The following TNS1 variants were observed in gnomAD, a reference collection of about 807,000 sequenced individuals.
TNS1 encodes tensin 1.
Under a neutral mutation model 168.6 loss-of-function variants are expected in TNS1, and 62 were observed. The observed-to-expected ratio is 0.37, with a 90% CI of 0.30 to 0.45. The LOEUF (loss-of-function observed/expected upper bound fraction) is 0.45. Among genes scored for constraint, TNS1 ranks in the 20% least tolerant of loss-of-function variants. The probability of loss-of-function intolerance (pLI) is 1.00; values close to 1 mark genes in which losing one functional copy is unlikely to be tolerated. For missense variants in TNS1, 2,240 were observed against 2,339.4 expected, an observed-to-expected ratio of 0.96 and a Z score of 0.88; for synonymous variants, 934 against 933.2, an observed-to-expected ratio of 1.00 and a Z score of -0.02.
rs561001404 is a variant in TNS1, at chr2:218,031,244, CTG to C, written c.156+2574_156+2575del. 4.0e-3 allele frequency among the ~76,000 whole-genome samples: 498 copies of C among 124,256 alleles called. 4 individuals carry two copies. Among genetic ancestry groups the C allele is most frequent in the Admixed American group, 7.0e-3 (86 of 12,288 alleles). 81.5% of individuals were successfully genotyped at this position (124,256 alleles called of 152,430 possible). Reference sequence around the variant, plus strand: ...TATGAGTGTGAGTGTGTGAGCATGTCTGTGTGTGAGTGTATGAGTGTGTTGTG... The same window carrying C: ...TATGAGTGTGAGTGTGTGAGCATGTCTGTGTGAGTGTATGAGTGTGTTGTG... On this transcript the variant is annotated intron_variant, in intron 1 of 1. Coordinates refer to the TNS1 transcript ENST00000649572.
At chr2:218,017,096 C>A (rs1025077640) in intron 1 of TNS1, among the ~76,000 whole-genome samples, 1 of 152,208 alleles carries the variant, frequency 6.6e-6, no homozygotes, top group Non-Finnish European at 1.5e-5. Flanking sequence ...GCTCAGACCA[C>A]GGAAGGGACA....
At chr2:217,955,247 A>C (rs2125987258) in intron 3 of TNS1, among the ~76,000 whole-genome samples, 1 of 152,340 alleles carries the variant, frequency 6.6e-6, no homozygotes, top group Non-Finnish European at 1.5e-5. Context: ...GGAACTGCAG[A>C]AGGTGGCACC....
At position 217,891,027 on chromosome 2, in the gene TNS1, G is replaced by T; in HGVS notation, c.801C>A (p.Asp267Glu). The T allele has an allele frequency of 1.2e-6, 2 of 1,614,174 alleles. No individual in the cohort carries two copies. The highest frequency in any genetic ancestry group is 1.7e-6 in the Non-Finnish European group (2 of 1,180,034). ...CATAGAACCGCTTCATTGCAAACCG[G>T]TCCAGAGCCTGGTCCGCACTGCAGG... ...NISASADQAL[D>E]RFAMKRFYED... The change falls in exon 12 of 33, where the codon GAC becomes GAA. Residue 267 changes from aspartate to glutamate, a missense_variant. Around this residue, in one of 2 missense-constraint regions of TNS1, gnomAD observed 2,131 missense variants for 2,171.2 expected, o/e 0.98. Coordinates refer to ENST00000682258, the MANE Select transcript of TNS1 (RefSeq NM_001387777.1).
chr2:217,850,305 A>C, intron 18 of TNS1: 1 of 985,326 alleles, frequency 1.0e-6, no homozygotes, highest in Non-Finnish European at 1.2e-6. Flanking sequence ...GGGGGCATAT[A>C]GGGTGCTGAT....
At position 217,948,281 on chromosome 2, in the gene TNS1, G is replaced by A. The variant is rs1289078043; in HGVS notation, c.187-28045C>T. 6.6e-6 allele frequency among the ~76,000 whole-genome samples: 1 copy of A among 152,156 alleles called. No homozygotes were observed. Among genetic ancestry groups the A allele is most frequent in the Non-Finnish European group, 1.5e-5 (1 of 68,008 alleles). ...GTTAGTCTCTGGGGCAATTACTGGA[G>A]CCGCCTCCTCTAGCACCCTGGGCCC... On this transcript the variant is annotated intron_variant, in intron 3 of 32. Coordinates refer to ENST00000682258, the MANE Select transcript of TNS1 (RefSeq NM_001387777.1). This position sits in a 1 kb window ranked among gnomAD's most constrained non-coding sequence, Gnocchi z 4.1.
chr2:217,978,378 A>T (rs2126047028), intron 3 of TNS1, among the ~76,000 whole-genome samples: 1 of 152,210 alleles, frequency 6.6e-6, no homozygotes, highest in East Asian at 1.9e-4. Context: ...AAATTGAGCC[A>T]ACTGGGGTTG....
intron 7 of TNS1, among the ~76,000 whole-genome samples, chr2:217,898,963 C>T (rs544579024): frequency 1.2e-4 from 19 of 152,386 alleles, no homozygotes; most frequent in African/African-American, 4.6e-4. Flanking sequence ...TCGCTTCCCC[C>T]TCTATCAAAT....
chr2:217,865,447 G>A (rs1011182448), intron 18 of TNS1, among the ~76,000 whole-genome samples: 1 of 152,218 alleles, frequency 6.6e-6, no homozygotes, highest in South Asian at 2.1e-4. Flanking sequence ...CAGACAGAGA[G>A]AGGAAGGCAG....
rs1357298084 is a variant in TNS1, at chr2:218,023,254, A to G, written c.156+10566T>C. On this transcript the variant is annotated intron_variant, in intron 1 of 1. Coordinates refer to the TNS1 transcript ENST00000649572. ...AGAGACCAAGTGCAGAGGGCTGGGA[A>G]CCCCGAGACCAGGCTGTCATCCAAC... Among the ~76,000 whole-genome samples the G allele has an allele frequency of 3.9e-5, 6 of 152,170 alleles. No individual in the cohort carries two copies. The East Asian group carries it at 9.6e-4, about 24-fold the overall frequency.
intron 6 of TNS1, chr2:217,905,488 A>G: frequency 2.9e-6 from 1 of 342,584 alleles, no homozygotes. Context: ...CTGCTCCCGC[A>G]GCACTCCCTC....
chr2:217,826,041 C>A (rs1005006575), intron 22 of TNS1, among the ~76,000 whole-genome samples: 1 of 152,178 alleles, frequency 6.6e-6, no homozygotes, highest in Non-Finnish European at 1.5e-5. Flanking sequence ...CCCAGCCCCA[C>A]CTGGCCCTGC....
At chr2:217,997,202 A>G (rs1039096886) in intron 1 of TNS1, among the ~76,000 whole-genome samples, 2 of 152,212 alleles carry the variant, frequency 1.3e-5, no homozygotes, top group African/African-American at 4.8e-5. Flanking sequence ...TGAAAAGTGC[A>G]AAAGCTTCGG....
intron 32 of TNS1, among the ~76,000 whole-genome samples, chr2:217,805,499 A>G (rs1938484779): frequency 8.6e-6 from 1 of 116,330 alleles, no homozygotes; most frequent in Non-Finnish European, 1.8e-5. Flanking sequence ...CACACACCAC[A>G]CACACCACCA....
chr2:217,808,017 C>T (rs1939515923), intron 32 of TNS1, 58 bp downstream of exon 32: 4 of 1,603,094 alleles, frequency 2.5e-6, no homozygotes, highest in African/African-American at 2.7e-5. Context: ...CCCCGTGCTT[C>T]CCTCACTGTG....
At chr2:217,915,912 C>T (rs942628861) in intron 4 of TNS1, among the ~76,000 whole-genome samples, 5 of 152,178 alleles carry the variant, frequency 3.3e-5, no homozygotes, top group South Asian at 2.1e-4. Flanking sequence ...GCTTTGAAAA[C>T]GGCAAGTGCT....
At chr2:217,902,947 G>A (rs1953191643) in intron 6 of TNS1, among the ~76,000 whole-genome samples, 1 of 152,208 alleles carries the variant, frequency 6.6e-6, no homozygotes, top group African/African-American at 2.4e-5. Context: ...CACACAGACA[G>A]ACAGAACTCA....
upstream of TNS1, among the ~76,000 whole-genome samples, chr2:218,007,677 G>C (rs1160303843): frequency 2.0e-5 from 3 of 151,976 alleles, no homozygotes. Context: ...GGCTCCAGAA[G>C]AGTCAGCGAG....
rs1947069253 is a variant in TNS1, at chr2:217,848,839, G to T, written c.1678C>A (p.Gln560Lys). Residue 560 changes from glutamine to lysine, a missense_variant, in exon 19 of 33, where the codon CAG becomes AAG. By Grantham distance (53) the Gln-to-Lys change is moderately conservative. This residue lies in a region of TNS1 where 2,131 missense variants were observed against 2,171.2 expected (regional missense o/e 0.98). Transcript: ENST00000682258. Reference sequence around the variant, plus strand: ...AGGCGGTCCAGCTCCCGCTTCTCCTGGGGACTCAAGGCAGCAGTGGCACTG... The same window carrying T: ...AGGCGGTCCAGCTCCCGCTTCTCCTTGGGACTCAAGGCAGCAGTGGCACTG... ...ASSATAALSP[Q>K]EKRELDRLLS... is the part of the protein sequence containing the mutation. 1 of 1,613,928 alleles carries T rather than the reference G, an allele frequency of 6.2e-7. No individual in the cohort carries two copies. The highest frequency in any genetic ancestry group is 8.5e-7 in the Non-Finnish European group (1 of 1,180,040).
At chr2:217,998,917 C>T (rs150301354) in intron 1 of TNS1, among the ~76,000 whole-genome samples, 5 of 152,308 alleles carry the variant, frequency 3.3e-5, no homozygotes, top group African/African-American at 4.8e-5. Flanking sequence ...CTTGGTAACA[C>T]CCATCCTGCT....
Sources: allele counts gnomAD v4.1 joint callset (sites outside exome capture counted in the v4.1 genomes callset), GRCh38; gene constraint gnomAD v4.1.1; regional missense constraint gnomAD v4.1.1; non-coding constraint Gnocchi (gnomAD v3.1); transcripts MANE v1.5; gene names NCBI Gene and HGNC (gene_info 2026-07-23, HGNC 2026-07-21).